The following RPUSD1 variants were observed in gnomAD, a reference collection of about 807,000 sequenced individuals.
The protein encoded by RPUSD1 is pseudouridylate synthase RPUSD1.
In RPUSD1, 28 loss-of-function variants were observed where a neutral mutation model predicts 22.4. The ratio of observed to expected loss-of-function variants is 1.25; its 90% CI spans 0.93 to 1.72. The LOEUF is 1.72. RPUSD1 is among the 40% of genes most tolerant of loss of function. The pLI is 0.00. For missense variants in RPUSD1, 596 were observed against 442.2 expected (o/e 1.35, Z -3.12); for synonymous variants, 298 against 201.0 (o/e 1.48, Z -4.08).
chr16:786,400 G>C, intron 5 of RPUSD1, 23 bp from the exon 6 acceptor site: 1 of 1,589,644 alleles, frequency 6.3e-7, no homozygotes, highest in South Asian at 1.1e-5. Context: ...GGCGGTGCCG[G>C]ATCAAGCTGG....
In RPUSD1 at chr16:786,294, G is replaced by A. The variant is rs374076110; in HGVS notation, c.595C>T (p.Arg199Trp). 152 of 1,612,620 alleles carry A rather than the reference G, an allele frequency of 9.4e-5. No individual in the cohort carries two copies. The highest frequency in any genetic ancestry group is 1.2e-4 in the Non-Finnish European group (138 of 1,179,936). The change falls in exon 6 of 6, where the codon CGG (arginine) becomes TGG (tryptophan). Residue 199 changes from arginine to tryptophan, a missense_variant. Coordinates refer to ENST00000007264, the MANE Select transcript of RPUSD1 (RefSeq NM_058192.3). The stretch of plus-strand genomic sequence containing the variant: ...ATCATTCTGAACGGCCGGTCCTCCC[G>A]GCCCGAGACTTCTCCGTAGGTCAGG... ...GDLTYGEVSGREDRPFRMMLH... is the reference protein window; with the variant it reads ...GDLTYGEVSGWEDRPFRMMLH...
rs780517016 is a variant in RPUSD1, at chr16:785,979, A to G, written c.910T>C (p.Ser304Pro). ...CTGTCCGGTTCCAGCGTCCACTCCGACAGCCACTGCAGGCAGGGGCCCCGC... is the reference window on the plus strand; with the variant it reads ...CTGTCCGGTTCCAGCGTCCACTCCGGCAGCCACTGCAGGCAGGGGCCCCGC... ...AQRGPCLQWL[S>P]EWTLEPDS Residue 304 changes from serine (S) to proline (P), a missense_variant, in exon 6 of 6, where the codon TCG (serine) becomes CCG (proline). By Grantham distance (74) the Ser-to-Pro change is moderately conservative. Coordinates refer to ENST00000007264, the MANE Select transcript of RPUSD1 (RefSeq NM_058192.3). 6.9e-7 allele frequency: 1 copy of G among 1,448,260 alleles called. No individual in the cohort carries two copies. Among genetic ancestry groups the G allele is most frequent in the Non-Finnish European group, 9.1e-7 (1 of 1,104,372 alleles). 89.7% of individuals were successfully genotyped at this position (1,448,260 alleles called of 1,614,324 possible).
Position 785,889 on chromosome 16 carries a change from T to TCGCC in RPUSD1, c.*57_*60dup, listed in dbSNP as rs2041885495. 2 of 1,335,324 alleles carry TCGCC rather than the reference T, an allele frequency of 1.5e-6. No individual in the cohort carries two copies. The highest frequency in any genetic ancestry group is 6.4e-5 in the Admixed American group (2 of 31,280). The allele number at this position is 1,335,324 out of a possible 1,614,324, so 82.7% of individuals were successfully genotyped here. A position where few individuals can be genotyped will look rare whatever the true frequency, so the allele number is the denominator to read the frequency against. ...CCAGAGCCAGTGAGCAGACGCTCGC[T>TCGCC]CGCCCATCTCCCTAGAGTCCCGCTG... is the stretch of plus-strand genomic sequence containing the variant. On this transcript the variant is annotated 3_prime_UTR_variant, in exon 6 of 6. Coordinates refer to ENST00000007264, the MANE Select transcript of RPUSD1 (RefSeq NM_058192.3).
In RPUSD1 at chr16:786,360, G is replaced by A. The variant is rs773931381; in HGVS notation, c.529C>T (p.Arg177Cys). Residue 177 changes from arginine to cysteine, a missense_variant, in exon 6 of 6, where the codon CGC becomes TGC. Transcript: ENST00000007264. ...TGGCCCAGGGCACTGCAGTGCACGC[G>A]CAGCTGGTGTGTCCGGCCTGCGGGA... is the stretch of plus-strand genomic sequence containing the variant. ...KPLTGRTHQL[R>C]VHCSALGHPV... 8.1e-6 allele frequency: 13 copies of A among 1,607,730 alleles called. No homozygotes were observed. Among genetic ancestry groups the A allele is most frequent in the Non-Finnish European group, 1.1e-5 (13 of 1,176,400 alleles).
rs1370581032 is a variant in RPUSD1 at position 786,325 on chromosome 16, C to T, written c.564G>A (p.Val188=). ...VHCSALGHPV[V]GDLTYGEVSG... is the part of the protein sequence containing the mutation. ...AGACTTCTCCGTAGGTCAGGTCGCC[C>T]ACCACGGGGTGGCCCAGGGCACTGC... is the stretch of plus-strand genomic sequence containing the variant. The change falls in exon 6 of 6, where the codon GTG becomes GTA. Residue 188 remains valine (V), a synonymous_variant. Coordinates refer to ENST00000007264, the MANE Select transcript of RPUSD1 (RefSeq NM_058192.3). 6.2e-7 allele frequency: 1 copy of T among 1,612,574 alleles called. No homozygotes were observed. The highest frequency in any genetic ancestry group is 1.7e-5 in the Admixed American group (1 of 60,026).
chr16:785,881 A>C lies in RPUSD1; in HGVS notation c.*69T>G, dbSNP rs2041885074. ...TCGAGGCCCCAGAGCCAGTGAGCAG[A>C]CGCTCGCTCGCCCATCTCCCTAGAG... On this transcript the variant is annotated 3_prime_UTR_variant, in exon 6 of 6. Coordinates refer to ENST00000007264, the MANE Select transcript of RPUSD1 (RefSeq NM_058192.3). 8 of 1,307,044 alleles carry C rather than the reference A, an allele frequency of 6.1e-6. No homozygotes were observed. Among genetic ancestry groups the C allele is most frequent in the Non-Finnish European group, 8.0e-6 (8 of 1,003,998 alleles). The allele number at this position is 1,307,044 out of a possible 1,614,324, so 81.0% of individuals were successfully genotyped here. A position where few individuals can be genotyped will look rare whatever the true frequency, so the allele number is the denominator to read the frequency against.
Position 785,662 on chromosome 16 carries a change from G to A in RPUSD1, c.*288C>T, listed in dbSNP as rs948430559. On this transcript the variant is annotated 3_prime_UTR_variant, in exon 6 of 6. Transcript: ENST00000007264. ...CGCTTGAGAGCCGGAAGCTGTTCCA[G>A]GAGGAGGGAGGGGCCTCGGTTTCTC... 5 of 369,334 alleles carry A rather than the reference G, an allele frequency of 1.4e-5. No individual in the cohort carries two copies. The South Asian group carries it at 5.2e-4, about 38-fold the overall frequency. The allele number at this position is 369,334 out of a possible 1,614,324, so 22.9% of individuals were successfully genotyped here.
rs1011751433 is a variant in RPUSD1 at position 785,564 on chromosome 16, G to A, written c.*386C>T. On this transcript the variant is annotated 3_prime_UTR_variant, in exon 6 of 6. Transcript: ENST00000007264. Reference sequence around the variant, plus strand: ...AGGAGCAGCCCATCCTGGAGGCAAAGCCTATCCCAAAACCTGGCCCTGCCT... The same window carrying A: ...AGGAGCAGCCCATCCTGGAGGCAAAACCTATCCCAAAACCTGGCCCTGCCT... The A allele has an allele frequency of 1.1e-5, 2 of 189,596 alleles. No homozygotes were observed. The highest frequency in any genetic ancestry group is 4.7e-5 in the African/African-American group (2 of 42,982). 11.7% of individuals were successfully genotyped at this position (189,596 alleles called of 1,614,324 possible). A position where few individuals can be genotyped will look rare whatever the true frequency, so the allele number is the denominator to read the frequency against.
chr16:785,799 G>T lies in RPUSD1; in HGVS notation c.*151C>A. 1 of 640,322 alleles carries T rather than the reference G, an allele frequency of 1.6e-6. No individual in the cohort carries two copies. Among genetic ancestry groups the T allele is most frequent in the Non-Finnish European group, 2.3e-6 (1 of 431,584 alleles). 39.7% of individuals were successfully genotyped at this position (640,322 alleles called of 1,614,324 possible). A position where few individuals can be genotyped will look rare whatever the true frequency, so the allele number is the denominator to read the frequency against. On this transcript the variant is annotated 3_prime_UTR_variant, in exon 6 of 6. Coordinates refer to ENST00000007264, the MANE Select transcript of RPUSD1 (RefSeq NM_058192.3). ...GGCGCCCCCTGCCGGCCCCACCTCAGCCCTTCCTCGCAGGCCTGGCCGGGG... is the reference window on the plus strand; with the variant it reads ...GGCGCCCCCTGCCGGCCCCACCTCATCCCTTCCTCGCAGGCCTGGCCGGGG...
chr16:787,030 C>A, intron 4 of RPUSD1, 47 bp downstream of exon 4: 1 of 1,594,568 alleles, frequency 6.3e-7, no homozygotes, highest in African/African-American at 1.3e-5. Context: ...CTGCCCAGGC[C>A]CACCCCAACC....
At position 786,252 on chromosome 16, in the gene RPUSD1, G is replaced by A. The variant is rs1191635441; in HGVS notation, c.637C>T (p.Leu213=). The change falls in exon 6 of 6, where the codon CTG becomes TTG. Residue 213 remains leucine, a synonymous_variant. Coordinates refer to ENST00000007264, the MANE Select transcript of RPUSD1 (RefSeq NM_058192.3). ...PFRMMLHAFY[L]RIPTDTECVE... is the part of the protein sequence containing the mutation. Reference sequence around the variant, plus strand: ...CACTCGGTGTCCGTGGGGATGCGCAGGTAGAAAGCGTGCAGCATCATTCTG... The same window carrying A: ...CACTCGGTGTCCGTGGGGATGCGCAAGTAGAAAGCGTGCAGCATCATTCTG... 3.1e-6 allele frequency: 5 copies of A among 1,612,772 alleles called. No individual in the cohort carries two copies. Among genetic ancestry groups the A allele is most frequent in the Middle Eastern group, 1.6e-4 (1 of 6,062 alleles).
Position 787,409 on chromosome 16 carries a change from C to T in RPUSD1, c.251G>A (p.Gly84Asp). The change falls in exon 3 of 6, where the codon GGC becomes GAC. Residue 84 changes from glycine (G) to aspartate (D), a missense_variant. Physicochemically the swap from Gly to Asp is moderately conservative, Grantham distance 94 (BLOSUM62 -1). Coordinates refer to ENST00000007264, the MANE Select transcript of RPUSD1 (RefSeq NM_058192.3). ...LCVALNKAAA[G>D]SAYRCFKERR... Reference sequence around the variant, plus strand: ...CTCCTTGAAGCACCTGTACGCGCTGCCGGCGGCTGCCTTGTTTAGGGCCAC... The same window carrying T: ...CTCCTTGAAGCACCTGTACGCGCTGTCGGCGGCTGCCTTGTTTAGGGCCAC... 2 of 1,584,498 alleles carry T rather than the reference C, an allele frequency of 1.3e-6. No homozygotes were observed. The highest frequency in any genetic ancestry group is 1.7e-6 in the Non-Finnish European group (2 of 1,165,346).
chr16:787,700 T>G lies in RPUSD1; in HGVS notation c.38A>C (p.Tyr13Ser). The change falls in exon 2 of 6, where the codon TAC becomes TCC. Residue 13 changes from tyrosine (Y) to serine (S), a missense_variant. Physicochemically the swap from Tyr to Ser is moderately radical, Grantham distance 144. Transcript: ENST00000007264. ...PGSVENLSIVYRSRDFLVVNK... is the reference protein window; with the variant it reads ...PGSVENLSIVSRSRDFLVVNK... ...GACCACCAGGAAGTCGCGGCTCCGG[T>G]ACACGATGGACAGGTTCTCCACGCT... The G allele has an allele frequency of 8.1e-6, 13 of 1,611,830 alleles. No homozygotes were observed. The highest frequency in any genetic ancestry group is 1.1e-5 in the Non-Finnish European group (13 of 1,179,904).
At position 787,544 on chromosome 16, in the gene RPUSD1, CG is replaced by C. The variant is rs2041988841; in HGVS notation, c.182+11del. ...ACAGACGCCACCGTGGGGCTCCGGC[CG>C]CCCCCCCTACCTGAACCCGTAGCAG... On this transcript the variant is annotated intron_variant, in intron 2 of 5. Coordinates refer to ENST00000007264, the MANE Select transcript of RPUSD1 (RefSeq NM_058192.3). The C allele has an allele frequency of 1.2e-6, 2 of 1,607,760 alleles. No homozygotes were observed. The highest frequency in any genetic ancestry group is 1.7e-6 in the Non-Finnish European group (2 of 1,178,432).
intron 3 of RPUSD1, 86 bp from the exon 4 acceptor site, chr16:787,265 G>A (rs1239932959): frequency 1.3e-6 from 2 of 1,544,374 alleles, no homozygotes; most frequent in African/African-American, 1.4e-5. Flanking sequence ...ACCACGTAGA[G>A]CGTGGTGGGA....
chr16:788,196 G>T (rs1454120990), intron 1 of RPUSD1, 60 bp downstream of exon 1: 1 of 407,474 alleles, frequency 2.5e-6, no homozygotes, highest in Admixed American at 2.9e-5. Flanking sequence ...CACAGGCCCG[G>T]TGGGCAGGCC....
chr16:788,105 C>A (rs746012142), intron 1 of RPUSD1, 151 bp downstream of exon 1: 3 of 473,188 alleles, frequency 6.3e-6, no homozygotes, highest in East Asian at 1.2e-4. Flanking sequence ...CACTACCAGG[C>A]CCGGCAGCCA....
rs571134020 is a variant in RPUSD1 at position 786,154 on chromosome 16, C to A, written c.735G>T (p.Gln245His). ...DACWSPHTLL[Q>H]SLDQLVQALR... ...AGGCCTGCACGAGCTGGTCCAGCGA[C>A]TGCAGCAGTGTGTGGGGGCTCCAGC... The change falls in exon 6 of 6, where the codon CAG (glutamine) becomes CAT (histidine). Residue 245 changes from glutamine (Q) to histidine (H), a missense_variant. Gln to His is a conservative substitution (Grantham distance 24, BLOSUM62 0). Coordinates refer to ENST00000007264, the MANE Select transcript of RPUSD1 (RefSeq NM_058192.3). The A allele has an allele frequency of 9.3e-6, 15 of 1,611,820 alleles. No homozygotes were observed. The East Asian group carries it at 2.9e-4, about 31-fold the overall frequency.
rs1028906266 is a variant in RPUSD1, at chr16:786,912, C to T, written c.426G>A (p.Lys142=). 8.1e-6 allele frequency: 13 copies of T among 1,612,936 alleles called. No homozygotes were observed. The highest frequency in any genetic ancestry group is 2.2e-5 in the East Asian group (1 of 44,888). ...GAACCACGAGATCTGTGAGGCTTGG[C>T]TTTGGGTTCTCACAACCTGGGGCGC... ...IEGSQGCENP[K]PSLTDLVVLE... is the part of the protein sequence containing the mutation. The change falls in exon 5 of 6, where the codon AAG becomes AAA. Residue 142 remains lysine (K), a synonymous_variant. Transcript: ENST00000007264.
Sources: allele counts gnomAD v4.1 joint callset, GRCh38; gene constraint gnomAD v4.1.1; transcripts MANE v1.5; gene names NCBI Gene and HGNC (gene_info 2026-07-23, HGNC 2026-07-21).